CACNG1: variants seen among roughly 807,000 people sequenced by gnomAD.
CACNG1 encodes the protein calcium voltage-gated channel auxiliary subunit gamma 1, also known as voltage-dependent calcium channel gamma-1 subunit.
CACNG1 carries 21 observed loss-of-function variants against 22.0 expected under a neutral mutation model. The ratio of observed to expected loss-of-function variants is 0.95; its 90% CI spans 0.68 to 1.37. The LOEUF (loss-of-function observed/expected upper bound fraction) is 1.37. Among genes scored for constraint, CACNG1 ranks in the 40% most tolerant of loss-of-function variants. CACNG1 has a pLI of 0.00. For synonymous variants in CACNG1, 127 were observed against 129.2 expected (o/e 0.98, Z 0.12); for missense variants, 291 against 308.6 (o/e 0.94, Z 0.43).
Position 67,056,282 on chromosome 17 carries a change from G to A in CACNG1, c.*11G>A. The A allele has an allele frequency of 6.2e-7, 1 of 1,611,692 alleles. No individual in the cohort carries two copies. The highest frequency in any genetic ancestry group is 8.5e-7 in the Non-Finnish European group (1 of 1,178,438). ...GAGCCCGAGCACTAACCCTCCTGCG[G>A]CCCTAGCGACCCTCAGGCTTCTTCC... On this transcript the variant is annotated 3_prime_UTR_variant, in exon 4 of 4. Coordinates refer to ENST00000226021, the MANE Select transcript of CACNG1 (RefSeq NM_000727.4). This position sits in a 1 kb window ranked among gnomAD's most constrained non-coding sequence, Gnocchi z 4.3.
rs2035746738 is a variant in CACNG1, at chr17:67,054,497, G to A, written c.304+427G>A. Among the ~76,000 whole-genome samples the A allele has an allele frequency of 6.6e-6, 1 of 152,178 alleles. No homozygotes were observed. The highest frequency in any genetic ancestry group is 2.1e-4 in the South Asian group (1 of 4,808). On this transcript the variant is annotated intron_variant, in intron 2 of 3. Transcript: ENST00000226021. This position sits in a 1 kb window ranked among gnomAD's most constrained non-coding sequence, Gnocchi z 4.6. ...ACCAGGAGGGTGCGGTGGGCTCTGG[G>A]AGCTTTTCAGGATCCGCAGAGCTCA...
At chr17:67,048,096 A>C (rs1294299563) in intron 1 of CACNG1, among the ~76,000 whole-genome samples, 1 of 152,200 alleles carries the variant, frequency 6.6e-6, no homozygotes, top group Non-Finnish European at 1.5e-5. Flanking sequence ...ATCTTAGTTC[A>C]AAAAAGTCAC....
In CACNG1 at chr17:67,055,128, C is replaced by A; in HGVS notation, c.330C>A (p.Ile110=). ...QKEYSISAAA[I]AIFSLGFIIL... ...AGTACAGCATCTCGGCAGCCGCCAT[C>A]GCCATCTTCAGCCTTGGCTTCATCA... is the stretch of plus-strand genomic sequence containing the variant. The change falls in exon 3 of 4, where the codon ATC becomes ATA. Residue 110 remains isoleucine, a synonymous_variant. Coordinates refer to ENST00000226021, the MANE Select transcript of CACNG1 (RefSeq NM_000727.4). The surrounding 1 kb of genome is among the most constrained non-coding windows in gnomAD (Gnocchi z 4.5). The A allele has an allele frequency of 6.2e-7, 1 of 1,614,170 alleles. No homozygotes were observed. The highest frequency in any genetic ancestry group is 8.5e-7 in the Non-Finnish European group (1 of 1,180,000).
rs71380001 is a variant in CACNG1, at chr17:67,054,190, G to A, written c.304+120G>A. On this transcript the variant is annotated intron_variant, in intron 2 of 3. Transcript: ENST00000226021. The surrounding 1 kb of genome is among the most constrained non-coding windows in gnomAD (Gnocchi z 4.6). ...CCTCACGCCTGATGAGAAGAAGCCT[G>A]TGGTGCATTTGAACAACAGCCTTGT... The A allele has an allele frequency of 0.046, 35,372 of 766,572 alleles. 982 individuals are homozygous for A. The highest frequency in any genetic ancestry group is 0.054 in the Non-Finnish European group (23,952 of 447,624). 47.5% of individuals were successfully genotyped at this position (766,572 alleles called of 1,614,324 possible).
In CACNG1 at chr17:67,055,718, G is replaced by A. The variant is rs1166520432; in HGVS notation, c.443-327G>A. Among the ~76,000 whole-genome samples, 1 of 152,014 alleles carries A rather than the reference G, an allele frequency of 6.6e-6. No homozygotes were observed. On this transcript the variant is annotated intron_variant, in intron 3 of 3. Coordinates refer to ENST00000226021, the MANE Select transcript of CACNG1 (RefSeq NM_000727.4). This position sits in a 1 kb window ranked among gnomAD's most constrained non-coding sequence, Gnocchi z 4.5. ...ATTTTTCATTGTATTTTAATTTTTT[G>A]TAGAGACGGAGGGCTCATCACTATG... is the stretch of plus-strand genomic sequence containing the variant.
chr17:67,053,861 A>T, intron 1 of CACNG1, 135 bp from the exon 2 acceptor site: 1 of 705,798 alleles, frequency 1.4e-6, no homozygotes, highest in South Asian at 1.6e-5. Context: ...TTCAGCCCAG[A>T]TTAAGGATCT....
At position 67,049,952 on chromosome 17, in the gene CACNG1, T is replaced by C. The variant is rs1271684031; in HGVS notation, c.230-4044T>C. On this transcript the variant is annotated intron_variant, in intron 1 of 3. Coordinates refer to ENST00000226021, the MANE Select transcript of CACNG1 (RefSeq NM_000727.4). ...CCAAACAGTCTTAGAAGGACTTCCA[T>C]GTACAAGATCAACATCCAAGACCAA... is the stretch of plus-strand genomic sequence containing the variant. 2.6e-5 allele frequency among the ~76,000 whole-genome samples: 4 copies of C among 152,166 alleles called. No individual in the cohort carries two copies. The South Asian group carries it at 6.2e-4, about 24-fold the overall frequency.
At chr17:67,047,600 T>C (rs191805771) in intron 1 of CACNG1, among the ~76,000 whole-genome samples, 3 of 152,340 alleles carry the variant, frequency 2.0e-5, no homozygotes. Context: ...TGTTTCTGTT[T>C]GACCTGACTC....
rs2035686796 is a variant in CACNG1 at position 67,044,885 on chromosome 17, C to CG, written c.229+1dup. 6.2e-7 allele frequency: 1 copy of CG among 1,611,048 alleles called. No homozygotes were observed. Among genetic ancestry groups the CG allele is most frequent in the African/African-American group, 1.3e-5 (1 of 74,994 alleles). ...AGACCTGCGGGCCCATCACCCTGCC[C>CG]GGGGGTAACGTACCCACCCTCCGTC... is the stretch of plus-strand genomic sequence containing the variant. On this transcript the variant is annotated frameshift_variant, in exon 1 of 4. Transcript: ENST00000226021. LOFTEE classifies it high-confidence loss of function. This position sits in a 1 kb window ranked among gnomAD's most constrained non-coding sequence, Gnocchi z 6.9.
At chr17:67,050,506 C>G (rs768590298) in intron 1 of CACNG1, among the ~76,000 whole-genome samples, 5 of 152,350 alleles carry the variant, frequency 3.3e-5, no homozygotes, top group Non-Finnish European at 5.9e-5. Context: ...TTCCTTGCAC[C>G]CCTAAAGTAC....
intron 1 of CACNG1, among the ~76,000 whole-genome samples, chr17:67,045,913 T>C (rs1330838225): frequency 1.3e-5 from 2 of 152,224 alleles, no homozygotes; most frequent in Non-Finnish European, 2.9e-5. Flanking sequence ...CCTCACCCTG[T>C]AATTTAAGCG....
intron 1 of CACNG1, among the ~76,000 whole-genome samples, chr17:67,050,990 C>A (rs757750875): frequency 1.3e-5 from 2 of 152,214 alleles, no homozygotes; most frequent in Non-Finnish European, 2.9e-5. Context: ...GGAATCTTTG[C>A]TGACTTAGTC....
chr17:67,052,985 AAG>A (rs1171086069), intron 1 of CACNG1, among the ~76,000 whole-genome samples: 1 of 152,158 alleles, frequency 6.6e-6, no homozygotes, highest in African/African-American at 2.4e-5. Context: ...GAGAGACTGA[AAG>A]AGAAAAATGG....
Position 67,044,967 on chromosome 17 carries a change from A to G in CACNG1, c.229+78A>G. 1 of 1,186,006 alleles carries G rather than the reference A, an allele frequency of 8.4e-7. No individual in the cohort carries two copies. The highest frequency in any genetic ancestry group is 1.2e-6 in the Non-Finnish European group (1 of 831,414). The allele number at this position is 1,186,006 out of a possible 1,614,324, so 73.5% of individuals were successfully genotyped here. A position where few individuals can be genotyped will look rare whatever the true frequency, so the allele number is the denominator to read the frequency against. The stretch of plus-strand genomic sequence containing the variant: ...CCCCCTGGCAAAGTTGCCCTTGCGA[A>G]GGAAGGCAGGTTTCTCTGCCTAGAA... On this transcript the variant is annotated intron_variant, in intron 1 of 3. Transcript: ENST00000226021. The surrounding 1 kb of genome is among the most constrained non-coding windows in gnomAD (Gnocchi z 6.9).
At chr17:67,053,261 C>T (rs751749617) in intron 1 of CACNG1, among the ~76,000 whole-genome samples, 5 of 152,192 alleles carry the variant, frequency 3.3e-5, no homozygotes, top group Admixed American at 1.3e-4. Flanking sequence ...AATGGCCACT[C>T]GGAAAAAGCC....
chr17:67,052,160 G>C (rs1344285902), intron 1 of CACNG1, among the ~76,000 whole-genome samples: 1 of 152,190 alleles, frequency 6.6e-6, no homozygotes, highest in Non-Finnish European at 1.5e-5. Flanking sequence ...CTTTAAAATA[G>C]CACCGGATGC....
rs774956064 is a variant in CACNG1, at chr17:67,054,051, C to T, written c.285C>T (p.Phe95=). The change falls in exon 2 of 4, where the codon TTC becomes TTT. Residue 95 remains phenylalanine, a synonymous_variant. Transcript: ENST00000226021. This position sits in a 1 kb window ranked among gnomAD's most constrained non-coding sequence, Gnocchi z 4.6. ...HFNPGESSEI[F]EFTTQKEYSI... ...ACCCCGGCGAGAGCTCGGAGATCTTCGAATTCACCACTCAGAAGGGTGAGC... is the reference window on the plus strand; with the variant it reads ...ACCCCGGCGAGAGCTCGGAGATCTTTGAATTCACCACTCAGAAGGGTGAGC... The T allele has an allele frequency of 2.6e-5, 42 of 1,613,938 alleles. No individual in the cohort carries two copies. Among genetic ancestry groups the T allele is most frequent in the Admixed American group, 3.3e-5 (2 of 60,006 alleles).
At chr17:67,048,179 T>TA (rs2035707621) in intron 1 of CACNG1, among the ~76,000 whole-genome samples, 1 of 151,882 alleles carries the variant, frequency 6.6e-6, no homozygotes, top group South Asian at 2.1e-4. Flanking sequence ...TTATATTGTT[T>TA]AAAAAATACT....
In CACNG1 at chr17:67,055,163, G is replaced by A. The variant is rs1380388722; in HGVS notation, c.365G>A (p.Ser122Asn). 4 of 1,614,246 alleles carry A rather than the reference G, an allele frequency of 2.5e-6. No individual in the cohort carries two copies. In the Admixed American group the frequency reaches 6.7e-5, roughly 27 times the overall value. The part of the protein sequence containing the change: ...IFSLGFIILG[S>N]LCVLLSLGKK... The stretch of plus-strand genomic sequence containing the variant: ...AGCCTTGGCTTCATCATCCTGGGCA[G>A]CCTCTGTGTCCTCCTGTCCCTCGGG... The change falls in exon 3 of 4, where the codon AGC (serine) becomes AAC (asparagine). Residue 122 changes from serine to asparagine, a missense_variant. Ser to Asn is a conservative substitution (Grantham distance 46). Coordinates refer to ENST00000226021, the MANE Select transcript of CACNG1 (RefSeq NM_000727.4). This position sits in a 1 kb window ranked among gnomAD's most constrained non-coding sequence, Gnocchi z 4.5.
Sources: allele counts gnomAD v4.1 joint callset (sites outside exome capture counted in the v4.1 genomes callset), GRCh38; gene constraint gnomAD v4.1.1; non-coding constraint Gnocchi (gnomAD v3.1); transcripts MANE v1.5; gene names NCBI Gene and HGNC (gene_info 2026-07-23, HGNC 2026-07-21).